FOXP1: variants seen among roughly 807,000 people sequenced by gnomAD.
FOXP1 encodes forkhead box protein P1.
Under a neutral mutation model 98.2 loss-of-function variants are expected in FOXP1, and 15 were observed. That is an observed-to-expected ratio of 0.15 (90% CI 0.10 to 0.24). The LOEUF (loss-of-function observed/expected upper bound fraction) is 0.24, where lower values mean the gene tolerates loss of function less well. FOXP1 is among the 10% of genes least tolerant of loss of function. FOXP1 has a pLI of 1.00. For missense variants in FOXP1, 633 were observed against 848.5 expected (o/e 0.75, Z 3.15); for synonymous variants, 371 against 314.5 (o/e 1.18, Z -1.90).
chr3:71,437,221 A>C (rs1296024209), intron 3 of FOXP1, among the ~76,000 whole-genome samples: 2 of 152,162 alleles, frequency 1.3e-5, no homozygotes, highest in Non-Finnish European at 2.9e-5. Context: ...AACCTGGGCA[A>C]CATGATGAAA....
intron 7 of FOXP1, among the ~76,000 whole-genome samples, chr3:71,067,495 TGG>T (rs2052660891): frequency 6.6e-6 from 1 of 152,196 alleles, no homozygotes; most frequent in African/African-American, 2.4e-5. Context: ...TTTTGGATTG[TGG>T]GTGTTTTAAC....
At chr3:71,425,692 G>A (rs546340542) in intron 3 of FOXP1, among the ~76,000 whole-genome samples, 1 of 152,004 alleles carries the variant, frequency 6.6e-6, no homozygotes, top group African/African-American at 2.4e-5. Flanking sequence ...TTAAAGGTGG[G>A]GGGGCTCTGA....
intron 3 of FOXP1, among the ~76,000 whole-genome samples, chr3:71,470,847 T>G (rs1248077414): frequency 6.6e-6 from 1 of 152,210 alleles, no homozygotes; most frequent in African/African-American, 2.4e-5. Flanking sequence ...CAACTAGTCT[T>G]GAATGGCATA....
At chr3:71,335,824 G>T (rs1176247760) in intron 4 of FOXP1, among the ~76,000 whole-genome samples, 1 of 151,880 alleles carries the variant, frequency 6.6e-6, no homozygotes, top group Non-Finnish European at 1.5e-5. Flanking sequence ...GGCCAACGTG[G>T]TGAAACCCCG....
chr3:71,112,719 G>A (rs1024779952), intron 6 of FOXP1, 82 bp from the exon 7 acceptor site: 60 of 1,010,620 alleles, frequency 5.9e-5, no homozygotes, highest in Middle Eastern at 2.0e-4. Flanking sequence ...CAGGAAGTGC[G>A]CTTTGGGACT....
At chr3:71,262,617 C>T (rs1409291201) in intron 5 of FOXP1, among the ~76,000 whole-genome samples, 12 of 152,062 alleles carry the variant, frequency 7.9e-5, no homozygotes, top group Admixed American at 5.2e-4. Context: ...ACAGAACCAA[C>T]GTGGGAAACA....
chr3:70,973,206 C>CAAAGG (rs1390871520), intron 17 of FOXP1, among the ~76,000 whole-genome samples: 1 of 152,032 alleles, frequency 6.6e-6, no homozygotes, highest in Non-Finnish European at 1.5e-5. Context: ...CTTGTATAGT[C>CAAAGG]AAAGGATCGG....
At chr3:71,291,757 A>C (rs1164635242) in intron 5 of FOXP1, among the ~76,000 whole-genome samples, 1 of 133,906 alleles carries the variant, frequency 7.5e-6, no homozygotes, top group Non-Finnish European at 1.5e-5. Flanking sequence ...ACCAGGCTGG[A>C]GTGCAGTGGT....
Position 71,397,049 on chromosome 3 carries a change from C to CATATATATGTGT in FOXP1, c.-167-37806_-167-37805insACACATATATAT, listed in dbSNP as rs779949151. ...ACATATATATGTGTATATATATATA[C>CATATATATGTGT]ACATATATATGTGTATATATATATA... On this transcript the variant is annotated intron_variant, in intron 3 of 20. Transcript: ENST00000649528. Among the ~76,000 whole-genome samples, 2 of 41,420 alleles carry CATATATATGTGT rather than the reference C, an allele frequency of 4.8e-5. 1 individual carries two copies. Among genetic ancestry groups the CATATATATGTGT allele is most frequent in the Non-Finnish European group, 9.4e-5 (2 of 21,320 alleles). The allele number at this position is 41,420 out of a possible 152,430, so 27.2% of individuals were successfully genotyped here.
At chr3:70,977,141 T>TA in intron 16 of FOXP1, 99 bp from the exon 17 acceptor site, 1 of 834,552 alleles carries the variant, frequency 1.2e-6, no homozygotes, top group Non-Finnish European at 2.1e-6. Flanking sequence ...GATTCAGAGC[T>TA]AAATCCTGAG....
intron 3 of FOXP1, among the ~76,000 whole-genome samples, chr3:71,455,413 TGTTAGCTTTTA>T (rs1358212490): frequency 6.6e-6 from 1 of 152,208 alleles, no homozygotes; most frequent in Non-Finnish European, 1.5e-5. Context: ...ACCCATTATA[TGTTAGCTTTTA>T]GTCATTAAAC....
At chr3:71,190,583 C>G (rs144672962) in intron 6 of FOXP1, among the ~76,000 whole-genome samples, 5 of 145,580 alleles carry the variant, frequency 3.4e-5, no homozygotes, top group African/African-American at 1.3e-4. Context: ...AAGCCATGAT[C>G]GCAACCCTGT....
At chr3:71,156,722 A>T (rs1185009097) in intron 6 of FOXP1, among the ~76,000 whole-genome samples, 4 of 152,370 alleles carry the variant, frequency 2.6e-5, no homozygotes, top group Non-Finnish European at 4.4e-5. Context: ...ACTTGATTTT[A>T]GTGCCCAAAG....
chr3:71,244,308 G>T lies in FOXP1; in HGVS notation c.-11-45916C>A, dbSNP rs201123372. ...CACAGTGCGTGCGCTCTCATCCCTC[G>T]GCTCCAAGCATGATCTCTCCCCCCT... On this transcript the variant is annotated intron_variant, in intron 5 of 20. Coordinates refer to ENST00000649528, the MANE Select transcript of FOXP1 (RefSeq NM_001349338.3). 5.9e-5 allele frequency among the ~76,000 whole-genome samples: 9 copies of T among 152,000 alleles called. No individual in the cohort carries two copies. In the South Asian group the frequency reaches 1.9e-3, roughly 32 times the overall value.
At chr3:71,252,084 A>C (rs2068237510) in intron 5 of FOXP1, among the ~76,000 whole-genome samples, 1 of 149,716 alleles carries the variant, frequency 6.7e-6, no homozygotes, top group South Asian at 2.1e-4. Context: ...ATAAGGGGAA[A>C]ATGACTTTTT....
chr3:71,502,147 T>A (rs2041432243), intron 2 of FOXP1, among the ~76,000 whole-genome samples: 1 of 152,258 alleles, frequency 6.6e-6, no homozygotes, highest in East Asian at 1.9e-4. Context: ...TACCTTCCAC[T>A]CATGATTCAA....
chr3:71,098,950 T>G (rs972628819), intron 7 of FOXP1, among the ~76,000 whole-genome samples: 3 of 152,196 alleles, frequency 2.0e-5, no homozygotes, highest in African/African-American at 4.8e-5. Flanking sequence ...GAAGCTAAAC[T>G]TTATTAAGTA....
chr3:71,152,591 C>T (rs1053909466), intron 6 of FOXP1, among the ~76,000 whole-genome samples: 1 of 152,140 alleles, frequency 6.6e-6, no homozygotes, highest in Non-Finnish European at 1.5e-5. Flanking sequence ...GCTCTGACCC[C>T]CACACAGACC....
chr3:71,166,236 C>T (rs1300452085), intron 6 of FOXP1, among the ~76,000 whole-genome samples: 2 of 152,092 alleles, frequency 1.3e-5, no homozygotes, highest in Non-Finnish European at 2.9e-5. Flanking sequence ...AAGGAGCTTA[C>T]AGTCTTATGA....
Sources: gnomAD v4.1 joint callset for allele counts (sites outside exome capture counted in the v4.1 genomes callset) on GRCh38, gnomAD v4.1.1 for gene constraint, MANE v1.5 for transcripts, NCBI Gene and HGNC (gene_info 2026-07-23, HGNC 2026-07-21) for gene names.